Variants in USP46 observed in about 807,000 individuals in gnomAD.
USP46 encodes the protein ubiquitin carboxyl-terminal hydrolase 46.
A neutral mutation model predicts 44.4 loss-of-function variants in USP46; 12 were observed. The observed-to-expected ratio is 0.27, with a 90% CI of 0.17 to 0.44. The LOEUF (loss-of-function observed/expected upper bound fraction) is 0.44. Among genes scored for constraint, USP46 ranks in the 20% least tolerant of loss-of-function variants. The probability of loss-of-function intolerance (pLI) is 1.00; values close to 1 mark genes in which losing one functional copy is unlikely to be tolerated. For missense variants in USP46, 248 were observed against 444.8 expected (o/e 0.56, Z 3.98); for synonymous variants, 155 against 161.5 (o/e 0.96, Z 0.31).
Position 52,598,715 on chromosome 4 carries a change from GA to G in USP46, c.921-10del, listed in dbSNP as rs1467821713. 7.5e-6 allele frequency: 12 copies of G among 1,600,280 alleles called. No homozygotes were observed. Among genetic ancestry groups the G allele is most frequent in the Non-Finnish European group, 1.0e-5 (12 of 1,173,370 alleles). On this transcript the variant is annotated splice_polypyrimidine_tract_variant and intron_variant, in intron 7 of 8. Coordinates refer to ENST00000441222, the MANE Select transcript of USP46 (RefSeq NM_022832.4). ...GCCCACGATTAGGACCACTGGAAAA[GA>G]ACAAATAAAAGGCAGTTAGCAAGTT...
intron 1 of USP46, among the ~76,000 whole-genome samples, chr4:52,632,658 C>CA (rs1026413261): frequency 6.6e-6 from 1 of 151,318 alleles, no homozygotes; most frequent in African/African-American, 2.4e-5. Context: ...CCTGTCTCTA[C>CA]AAAAAATATA....
At chr4:52,658,462 C>G (rs1719040680) in intron 1 of USP46, among the ~76,000 whole-genome samples, 1 of 152,174 alleles carries the variant, frequency 6.6e-6, no homozygotes, top group African/African-American at 2.4e-5. Flanking sequence ...CACAGCCCGC[C>G]CCACCCTTAG....
intron 1 of USP46, among the ~76,000 whole-genome samples, chr4:52,657,540 G>A (rs971911969): frequency 1.3e-5 from 2 of 152,136 alleles, no homozygotes; most frequent in African/African-American, 4.8e-5. Context: ...TTAGGCCTGC[G>A]GCCACACCAA....
rs1716230618 is a variant in USP46, at chr4:52,596,155, T to A, written c.*1485A>T. 1 of 152,686 alleles carries A rather than the reference T, an allele frequency of 6.5e-6. No homozygotes were observed. The highest frequency in any genetic ancestry group is 1.5e-5 in the Non-Finnish European group (1 of 68,044). 9.5% of individuals were successfully genotyped at this position (152,686 alleles called of 1,614,324 possible). A position where few individuals can be genotyped will look rare whatever the true frequency, so the allele number is the denominator to read the frequency against. On this transcript the variant is annotated 3_prime_UTR_variant, in exon 9 of 9. Coordinates refer to ENST00000441222, the MANE Select transcript of USP46 (RefSeq NM_022832.4). The stretch of plus-strand genomic sequence containing the variant: ...CAGTTTTCATCTAGATAAAGTGCTA[T>A]CCTCTTCATTGTTGCAAAATGGCCA...
intron 1 of USP46, chr4:52,656,377 G>T: frequency 7.3e-7 from 1 of 1,364,040 alleles, no homozygotes; most frequent in South Asian, 1.2e-5. Context: ...AAAGACAGCA[G>T]TTTCCTCATA....
intron 4 of USP46, among the ~76,000 whole-genome samples, chr4:52,619,088 G>C (rs1031236965): frequency 3.3e-5 from 5 of 152,044 alleles, no homozygotes; most frequent in Admixed American, 6.5e-5. Flanking sequence ...CCAAACAAAA[G>C]AATAACCAAG....
intron 1 of USP46, among the ~76,000 whole-genome samples, chr4:52,655,722 T>G (rs1718923888): frequency 6.6e-6 from 1 of 152,194 alleles, no homozygotes; most frequent in African/African-American, 2.4e-5. Context: ...CCAAACAAGC[T>G]TTACTATCTC....
chr4:52,648,039 G>T (rs1323355791), intron 1 of USP46, among the ~76,000 whole-genome samples: 1 of 152,224 alleles, frequency 6.6e-6, no homozygotes, highest in African/African-American at 2.4e-5. Flanking sequence ...GCCCCACAAT[G>T]ACCCAGGAAG....
intron 1 of USP46, among the ~76,000 whole-genome samples, chr4:52,638,683 G>A (rs944464572): frequency 6.7e-6 from 1 of 148,634 alleles, no homozygotes; most frequent in Non-Finnish European, 1.5e-5. Flanking sequence ...TATATTACTC[G>A]TGGGAGCAAA....
rs1715996180 is a variant in USP46 at position 52,591,226 on chromosome 4, G to A, written c.*6414C>T. 6.6e-6 allele frequency: 1 copy of A among 152,208 alleles called. No homozygotes were observed. The highest frequency in any genetic ancestry group is 6.5e-5 in the Admixed American group (1 of 15,286). 9.4% of individuals were successfully genotyped at this position (152,208 alleles called of 1,614,324 possible). ...TGTTCTTTCCAGCAAGGTCCATTAA[G>A]AGAGACCGAAATATGAATATGGCTG... On this transcript the variant is annotated 3_prime_UTR_variant, in exon 9 of 9. Coordinates refer to ENST00000441222, the MANE Select transcript of USP46 (RefSeq NM_022832.4).
At chr4:52,629,104 T>C (rs1717709336) in intron 2 of USP46, among the ~76,000 whole-genome samples, 1 of 152,274 alleles carries the variant, frequency 6.6e-6, no homozygotes, top group Admixed American at 6.5e-5. Flanking sequence ...TGAAATGCTA[T>C]GTAAGATTAA....
chr4:52,644,446 G>A (rs1037147043), intron 1 of USP46, among the ~76,000 whole-genome samples: 2 of 152,124 alleles, frequency 1.3e-5, no homozygotes, highest in Admixed American at 1.3e-4. Flanking sequence ...TGACCTGTTA[G>A]GAACCAAGCG....
rs953021262 is a variant in USP46, at chr4:52,592,941, T to C, written c.*4699A>G. On this transcript the variant is annotated 3_prime_UTR_variant, in exon 9 of 9. Coordinates refer to ENST00000441222, the MANE Select transcript of USP46 (RefSeq NM_022832.4). ...TTGCTTTCCCTTTGCCTTCTGCTGA[T>C]TGTAAGTTTCCTGAGGCCTCCCCCA... is the stretch of plus-strand genomic sequence containing the variant. The C allele has an allele frequency of 6.3e-5, 25 of 398,570 alleles. No individual in the cohort carries two copies. The highest frequency in any genetic ancestry group is 9.7e-5 in the Non-Finnish European group (22 of 226,218). 24.7% of individuals were successfully genotyped at this position (398,570 alleles called of 1,614,324 possible).
At chr4:52,639,792 G>A (rs939082534) in intron 1 of USP46, among the ~76,000 whole-genome samples, 3 of 151,564 alleles carry the variant, frequency 2.0e-5, no homozygotes, top group African/African-American at 7.3e-5. Flanking sequence ...AACCTTTCAG[G>A]CTCAAGTGAT....
chr4:52,637,744 G>T (rs925928795), intron 1 of USP46, among the ~76,000 whole-genome samples: 1 of 152,054 alleles, frequency 6.6e-6, no homozygotes, highest in Non-Finnish European at 1.5e-5. Flanking sequence ...CACTGTCAAC[G>T]CTGCAAAAAG....
At chr4:52,656,838 G>C (rs902392266) in intron 1 of USP46, among the ~76,000 whole-genome samples, 1 of 151,772 alleles carries the variant, frequency 6.6e-6, no homozygotes, top group Admixed American at 6.6e-5. Context: ...CCAGGTATTA[G>C]GGACCAGCCT....
chr4:52,603,506 A>G (rs1321925198), intron 6 of USP46, among the ~76,000 whole-genome samples: 2 of 152,152 alleles, frequency 1.3e-5, no homozygotes, highest in Admixed American at 1.3e-4. Context: ...ATACTCCAGA[A>G]CCACTGACAA....
chr4:52,616,342 C>T (rs144018990), intron 4 of USP46, among the ~76,000 whole-genome samples: 105 of 147,082 alleles, frequency 7.1e-4, no homozygotes, highest in African/African-American at 2.4e-3. Context: ...TTTCCTTTCC[C>T]TTCCCTTCCC....
intron 4 of USP46, among the ~76,000 whole-genome samples, chr4:52,623,339 C>T (rs925690771): frequency 6.6e-6 from 1 of 151,856 alleles, no homozygotes; most frequent in African/African-American, 2.4e-5. Flanking sequence ...AACTGAATAT[C>T]AAAAGGAATA....
Sources: allele counts gnomAD v4.1 joint callset (sites outside exome capture counted in the v4.1 genomes callset), GRCh38; gene constraint gnomAD v4.1.1; transcripts MANE v1.5; gene names NCBI Gene and HGNC (gene_info 2026-07-23, HGNC 2026-07-21).